POU2F2: variants seen among roughly 807,000 people sequenced by gnomAD.
POU2F2 encodes the protein POU class 2 homeobox 2, also known as POU domain, class 2, transcription factor 2.
In POU2F2, 14 loss-of-function variants were observed where a neutral mutation model predicts 63.5. The observed-to-expected ratio is 0.22, with a 90% CI of 0.15 to 0.34. POU2F2 has a LOEUF of 0.34. POU2F2 is among the 10% of genes least tolerant of loss of function. The pLI, the probability that POU2F2 is intolerant of heterozygous loss-of-function variation, is 1.00. For synonymous variants in POU2F2, 306 were observed against 348.6 expected, an observed-to-expected ratio of 0.88 and a Z score of 1.36; for missense variants, 607 against 815.2, an observed-to-expected ratio of 0.74 and a Z score of 3.11.
intron 1 of POU2F2, among the ~76,000 whole-genome samples, chr19:42,182,242 A>AAGAGAG (rs55947953): frequency 0.13 from 16,911 of 125,796 alleles, 1,369 homozygotes; most frequent in East Asian, 0.18. Context: ...TCTGTCTCAA[A>AAGAGAG]AGAGAGAGAG....
At chr19:42,116,305 A>G (rs1007546838) in intron 5 of POU2F2, among the ~76,000 whole-genome samples, 2 of 152,126 alleles carry the variant, frequency 1.3e-5, no homozygotes, top group Admixed American at 1.3e-4. Flanking sequence ...AGGGGACACG[A>G]TGAGGGTAGG....
In POU2F2 at chr19:42,145,040, A is replaced by G. The variant is rs187359523; in HGVS notation, c.-9+15292T>C. On this transcript the variant is annotated intron_variant, in intron 2 of 6. Coordinates refer to the POU2F2 transcript ENST00000524801. ...GTGTGGCCTATGTGTCACTTGGCCCATGTGTCACATTCCTGAGGGGATGAA... is the reference window on the plus strand; with the variant it reads ...GTGTGGCCTATGTGTCACTTGGCCCGTGTGTCACATTCCTGAGGGGATGAA... Among the ~76,000 whole-genome samples the G allele has an allele frequency of 5.3e-5, 8 of 152,350 alleles. No individual in the cohort carries two copies. In the East Asian group the frequency reaches 1.3e-3, roughly 26 times the overall value.
intron 1 of POU2F2, among the ~76,000 whole-genome samples, chr19:42,188,853 A>G (rs1461227581): frequency 1.4e-5 from 2 of 148,048 alleles, no homozygotes; most frequent in Non-Finnish European, 3.0e-5. Flanking sequence ...AAAGGGAAAG[A>G]GAGAGAAAGA....
At chr19:42,122,619 T>A in intron 1 of POU2F2, 43 bp from the exon 2 acceptor site, 2 of 1,475,738 alleles carry the variant, frequency 1.4e-6, no homozygotes, top group Non-Finnish European at 1.8e-6. Context: ...AGGAGGGGAA[T>A]CCAGGAGGGC....
rs550206403 is a variant in POU2F2 at position 42,159,238 on chromosome 19, A to G, written c.-9+1094T>C. Among the ~76,000 whole-genome samples, 10 of 152,014 alleles carry G rather than the reference A, an allele frequency of 6.6e-5. No homozygotes were observed. The South Asian group carries it at 1.9e-3, about 28-fold the overall frequency. On this transcript the variant is annotated intron_variant, in intron 2 of 6. Coordinates refer to the POU2F2 transcript ENST00000524801. ...CCTGGCTTCTCTTGAAAAATCAGAA[A>G]CCCTGGCAAGTCAGGGTTGCATCTG...
intron 1 of POU2F2, among the ~76,000 whole-genome samples, chr19:42,124,616 G>C (rs987852424): frequency 1.1e-4 from 16 of 152,214 alleles, no homozygotes; most frequent in African/African-American, 3.6e-4. Flanking sequence ...GACATGGGCA[G>C]AATTCTTCTG....
upstream of POU2F2, among the ~76,000 whole-genome samples, chr19:42,133,988 G>A (rs968280133): frequency 3.9e-5 from 6 of 152,018 alleles, no homozygotes; most frequent in African/African-American, 7.3e-5. The surrounding 1 kb of genome is among the most constrained non-coding windows in gnomAD (Gnocchi z 5.1). Flanking sequence ...ACCGTTTCCC[G>A]GCATCTACAC....
intron 1 of POU2F2, among the ~76,000 whole-genome samples, chr19:42,187,084 G>A (rs867893489): frequency 1.2e-4 from 19 of 152,242 alleles, no homozygotes; most frequent in Middle Eastern, 6.8e-3. Flanking sequence ...CTGAAATCAC[G>A]AGTCGATGAT....
At chr19:42,150,178 C>T (rs2034312753) in intron 2 of POU2F2, among the ~76,000 whole-genome samples, 1 of 152,230 alleles carries the variant, frequency 6.6e-6, no homozygotes, top group Non-Finnish European at 1.5e-5. Flanking sequence ...CCAACACCCT[C>T]CTGTACCTCC....
At chr19:42,161,074 A>G (rs1470171436) in intron 1 of POU2F2, among the ~76,000 whole-genome samples, 5 of 152,122 alleles carry the variant, frequency 3.3e-5, no homozygotes, top group African/African-American at 1.2e-4. Context: ...CAAGTTGAGG[A>G]GACAGAAGGA....
In POU2F2 at chr19:42,093,833, T is replaced by C. The variant is rs1186740420; in HGVS notation, c.1260A>G (p.Thr420=). ...PLSQASSSLS[T]TVTTLSSAVG... ...CCATTTTCTGCCCTCCCTGACCTGT[T>C]GTGCTCAGACTGCTGGAAGCTTGGG... Residue 420 remains threonine, a synonymous_variant, in exon 12 of 15, where the codon ACA becomes ACG. Coordinates refer to ENST00000692977, the MANE Select transcript of POU2F2 (RefSeq NM_001394376.1). The C allele has an allele frequency of 6.2e-7, 1 of 1,611,152 alleles. No homozygotes were observed.
chr19:42,148,238 C>T (rs533698396), intron 2 of POU2F2, among the ~76,000 whole-genome samples: 1 of 150,442 alleles, frequency 6.6e-6, no homozygotes, highest in Admixed American at 6.6e-5. Context: ...CCTGGCCTTT[C>T]CCACATGGCC....
upstream of POU2F2, among the ~76,000 whole-genome samples, chr19:42,180,051 G>A (rs568768498): frequency 1.3e-5 from 2 of 152,026 alleles, no homozygotes; most frequent in Non-Finnish European, 2.9e-5. Flanking sequence ...TACAGGAAAC[G>A]CCCACTCCAA....
At chr19:42,131,439 C>A (rs1277113559) in intron 1 of POU2F2, among the ~76,000 whole-genome samples, 1 of 152,154 alleles carries the variant, frequency 6.6e-6, no homozygotes, top group Non-Finnish European at 1.5e-5. Flanking sequence ...GCCTACACAG[C>A]CACAAATGAA....
At chr19:42,165,549 T>C (rs1377896611) in intron 1 of POU2F2, among the ~76,000 whole-genome samples, 1 of 152,184 alleles carries the variant, frequency 6.6e-6, no homozygotes, top group Non-Finnish European at 1.5e-5. Flanking sequence ...CAAGTGTGCA[T>C]GCAGACTCCT....
Position 42,087,733 on chromosome 19 carries a change from C to G in POU2F2, c.*3524G>C, listed in dbSNP as rs1200131303. On this transcript the variant is annotated 3_prime_UTR_variant, in exon 15 of 15. Coordinates refer to ENST00000692977, the MANE Select transcript of POU2F2 (RefSeq NM_001394376.1). ...CTCCCCACTGCTCCAACCCACTCAT[C>G]TCTCCTCTCTTTCTAGCCCAGGCCC... is the stretch of plus-strand genomic sequence containing the variant. 1 of 151,684 alleles carries G rather than the reference C, an allele frequency of 6.6e-6. No individual in the cohort carries two copies. The highest frequency in any genetic ancestry group is 1.5e-5 in the Non-Finnish European group (1 of 68,024). The allele number at this position is 151,684 out of a possible 1,614,324, so 9.4% of individuals were successfully genotyped here.
intron 7 of POU2F2, 197 bp downstream of exon 7, chr19:42,099,330 G>T: frequency 1.7e-6 from 1 of 583,696 alleles, no homozygotes; most frequent in Non-Finnish European, 3.1e-6. Context: ...GTCTGGGCCA[G>T]CTCCCCTCAT....
At chr19:42,195,881 G>C (rs551232198) in intron 1 of POU2F2, among the ~76,000 whole-genome samples, 13 of 151,210 alleles carry the variant, frequency 8.6e-5, no homozygotes, top group Admixed American at 7.2e-4. Context: ...CCAGGTTCAA[G>C]AGATCCTTCT....
intron 1 of POU2F2, among the ~76,000 whole-genome samples, chr19:42,161,090 C>A (rs2034543923): frequency 6.6e-6 from 1 of 152,080 alleles, no homozygotes; most frequent in Admixed American, 6.6e-5. Context: ...AAGGAAGAGC[C>A]AATGCCAACA....
Sources: gnomAD v4.1 joint callset for allele counts (sites outside exome capture counted in the v4.1 genomes callset) on GRCh38, gnomAD v4.1.1 for gene constraint, Gnocchi (gnomAD v3.1) non-coding constraint, MANE v1.5 for transcripts, NCBI Gene and HGNC (gene_info 2026-07-23, HGNC 2026-07-21) for gene names.